PTPRR: variants seen among roughly 807,000 people sequenced by gnomAD.
PTPRR encodes the protein receptor-type tyrosine-protein phosphatase R.
A neutral mutation model predicts 77.2 loss-of-function variants in PTPRR; 38 were observed. That is an observed-to-expected ratio of 0.49 (90% confidence interval 0.38 to 0.65). The LOEUF (loss-of-function observed/expected upper bound fraction) is 0.65, where lower values mean the gene tolerates loss of function less well. Among genes scored for constraint, PTPRR ranks in the 30% least tolerant of loss-of-function variants. The pLI, the probability that PTPRR is intolerant of heterozygous loss-of-function variation, is 0.00. For synonymous variants in PTPRR, 299 were observed against 283.1 expected (o/e 1.06, Z -0.57); for missense variants, 744 against 799.2 (o/e 0.93, Z 0.83).
At chr12:70,643,326 GTGTTTGTTT>G (rs999738876) in intron 13 of PTPRR, among the ~76,000 whole-genome samples, 50 of 151,636 alleles carry the variant, frequency 3.3e-4, no homozygotes, top group African/African-American at 1.2e-3. Context: ...TGTGTTTTTT[GTGTTTGTTT>G]TGTTTGTTTT....
At chr12:70,718,697 G>C (rs984952274) in intron 6 of PTPRR, among the ~76,000 whole-genome samples, 1 of 152,130 alleles carries the variant, frequency 6.6e-6, no homozygotes, top group African/African-American at 2.4e-5. Context: ...ATGTATTCAT[G>C]CTAAAAATAG....
At chr12:70,641,358 T>G (rs1225218539) in intron 13 of PTPRR, among the ~76,000 whole-genome samples, 3 of 152,094 alleles carry the variant, frequency 2.0e-5, no homozygotes, top group African/African-American at 7.3e-5. Context: ...GATTTTCCCC[T>G]TCTTGTATGT....
At chr12:70,667,406 T>C (rs1887050814) in intron 10 of PTPRR, among the ~76,000 whole-genome samples, 1 of 152,164 alleles carries the variant, frequency 6.6e-6, no homozygotes, top group Non-Finnish European at 1.5e-5. Context: ...AGTAATTTTG[T>C]TTGGGCGCAG....
chr12:70,654,014 T>C (rs529124446), intron 13 of PTPRR, among the ~76,000 whole-genome samples: 2 of 152,330 alleles, frequency 1.3e-5, no homozygotes, highest in South Asian at 4.1e-4. Context: ...ACAAGAATGT[T>C]ACAGATGGGA....
intron 2 of PTPRR, among the ~76,000 whole-genome samples, chr12:70,827,332 A>T (rs1892128350): frequency 6.6e-6 from 1 of 152,134 alleles, no homozygotes; most frequent in Non-Finnish European, 1.5e-5. Flanking sequence ...TGATATAACA[A>T]ACTGCTCTAG....
chr12:70,880,239 G>A (rs773238143), intron 2 of PTPRR, among the ~76,000 whole-genome samples: 4 of 152,086 alleles, frequency 2.6e-5, no homozygotes, highest in Non-Finnish European at 5.9e-5. Flanking sequence ...TCCATAGGGT[G>A]GGTATTATGA....
chr12:70,680,590 G>A (rs958087614), intron 10 of PTPRR, among the ~76,000 whole-genome samples: 12 of 152,184 alleles, frequency 7.9e-5, no homozygotes, highest in Non-Finnish European at 2.9e-5. Context: ...CTTGGCTGGT[G>A]AGCACAAGAA....
chr12:70,851,947 A>G (rs1051967950), intron 2 of PTPRR, among the ~76,000 whole-genome samples: 3 of 152,034 alleles, frequency 2.0e-5, no homozygotes, highest in African/African-American at 7.2e-5. Flanking sequence ...ATTTTTTCAA[A>G]TATTTTGTAT....
At chr12:70,793,338 T>G (rs1891454009) in intron 2 of PTPRR, among the ~76,000 whole-genome samples, 1 of 152,160 alleles carries the variant, frequency 6.6e-6, no homozygotes. Flanking sequence ...CTGAAGCATT[T>G]ATATGAAGAA....
intron 6 of PTPRR, among the ~76,000 whole-genome samples, chr12:70,733,599 G>A (rs1439986042): frequency 2.0e-5 from 3 of 151,930 alleles, no homozygotes; most frequent in Non-Finnish European, 4.4e-5. Context: ...TCCTCCAATC[G>A]TGAGCTTCAT....
rs1161692081 is a variant in PTPRR at position 70,638,802 on chromosome 12, A to G, written c.*382T>C. 1.2e-5 allele frequency: 2 copies of G among 164,744 alleles called. No individual in the cohort carries two copies. Among genetic ancestry groups the G allele is most frequent in the Non-Finnish European group, 2.6e-5 (2 of 76,518 alleles). The allele number at this position is 164,744 out of a possible 1,614,324, so 10.2% of individuals were successfully genotyped here. On this transcript the variant is annotated 3_prime_UTR_variant, in exon 14 of 14. Coordinates refer to ENST00000283228, the MANE Select transcript of PTPRR (RefSeq NM_002849.4). ...AGATTTTGCAAACATTAAAGCATCT[A>G]ACACATAATACGAATGTCTTCAGCA...
Position 70,803,609 on chromosome 12 carries a change from C to T in PTPRR, c.358-38831G>A, listed in dbSNP as rs55776190. 4.1e-3 allele frequency among the ~76,000 whole-genome samples: 631 copies of T among 152,186 alleles called. 9 individuals are homozygous for T. Among genetic ancestry groups the T allele is most frequent in the African/African-American group, 0.014 (599 of 41,528 alleles). On this transcript the variant is annotated intron_variant, in intron 2 of 13. Coordinates refer to ENST00000283228, the MANE Select transcript of PTPRR (RefSeq NM_002849.4). ...TCCCATAGGTTCTACTATGAGAATTCTAGGATCATGCCGAGACAATGCTGC... is the reference window on the plus strand; with the variant it reads ...TCCCATAGGTTCTACTATGAGAATTTTAGGATCATGCCGAGACAATGCTGC...
intron 13 of PTPRR, among the ~76,000 whole-genome samples, chr12:70,643,828 G>A (rs777181232): frequency 4.0e-5 from 6 of 151,064 alleles, no homozygotes; most frequent in Non-Finnish European, 8.9e-5. Context: ...TGGCTGGATC[G>A]TGGCTCACTG....
At chr12:70,833,886 GC>G (rs1892258002) in intron 2 of PTPRR, among the ~76,000 whole-genome samples, 1 of 152,104 alleles carries the variant, frequency 6.6e-6, no homozygotes, top group Non-Finnish European at 1.5e-5. Flanking sequence ...TCAAAAGGCA[GC>G]CCCAGCCAGG....
intron 2 of PTPRR, among the ~76,000 whole-genome samples, chr12:70,781,889 T>C (rs1891210398): frequency 6.6e-6 from 1 of 152,200 alleles, no homozygotes. Context: ...CTACTCCTTT[T>C]AACACATGAA....
At chr12:70,843,588 G>T (rs1212049504) in intron 2 of PTPRR, among the ~76,000 whole-genome samples, 2 of 152,102 alleles carry the variant, frequency 1.3e-5, no homozygotes, top group African/African-American at 4.8e-5. Flanking sequence ...TTAACTCCTA[G>T]TAAGACTGTA....
intron 2 of PTPRR, among the ~76,000 whole-genome samples, chr12:70,777,606 T>A (rs921880222): frequency 4.6e-5 from 7 of 152,208 alleles, no homozygotes; most frequent in African/African-American, 9.7e-5. Context: ...CTACCCAGAA[T>A]TCTCCATGAT....
At chr12:70,709,135 T>C (rs1394805817) in intron 6 of PTPRR, among the ~76,000 whole-genome samples, 4 of 152,086 alleles carry the variant, frequency 2.6e-5, no homozygotes, top group African/African-American at 7.2e-5. Context: ...TGTGATCAAG[T>C]AGGCTTTATC....
intron 8 of PTPRR, among the ~76,000 whole-genome samples, chr12:70,696,661 C>G (rs775807228): frequency 1.1e-4 from 16 of 152,118 alleles, no homozygotes; most frequent in Non-Finnish European, 2.1e-4. Context: ...TGTGCCATCA[C>G]AGCATTTTTT....
Sources: allele counts gnomAD v4.1 joint callset (sites outside exome capture counted in the v4.1 genomes callset), GRCh38; gene constraint gnomAD v4.1.1; transcripts MANE v1.5; gene names NCBI Gene and HGNC (gene_info 2026-07-23, HGNC 2026-07-21).